HIVEP3: variants seen among roughly 807,000 people sequenced by gnomAD.
The protein encoded by HIVEP3 is HIVEP zinc finger 3.
A neutral mutation model predicts 152.8 loss-of-function variants in HIVEP3; 49 were observed. The ratio of observed to expected loss-of-function variants is 0.32; its 90% CI spans 0.26 to 0.41. The LOEUF (loss-of-function observed/expected upper bound fraction) is 0.41. Among genes scored for constraint, HIVEP3 ranks in the 10% least tolerant of loss-of-function variants. The pLI, the probability that HIVEP3 is intolerant of heterozygous loss-of-function variation, is 1.00. For synonymous variants in HIVEP3, 1,269 were observed against 1,289.0 expected, an observed-to-expected ratio of 0.98 and a Z score of 0.33; for missense variants, 2,790 against 3,103.3, an observed-to-expected ratio of 0.90 and a Z score of 2.40.
intron 1 of HIVEP3, among the ~76,000 whole-genome samples, chr1:41,782,802 T>C (rs1285255123): frequency 1.3e-5 from 2 of 150,822 alleles, no homozygotes; most frequent in Non-Finnish European, 2.9e-5. Flanking sequence ...GAAAAGTGAC[T>C]ACAGAGGAGT....
At chr1:41,777,996 G>A (rs1413647456) in intron 1 of HIVEP3, among the ~76,000 whole-genome samples, 1 of 152,230 alleles carries the variant, frequency 6.6e-6, no homozygotes, top group East Asian at 1.9e-4. Flanking sequence ...GGGGTTCTTG[G>A]CAGCAACTAT....
intron 1 of HIVEP3, among the ~76,000 whole-genome samples, chr1:41,752,821 T>A (rs2124227299): frequency 6.6e-6 from 1 of 152,338 alleles, no homozygotes. Flanking sequence ...CTAGGAAAAG[T>A]AACAATTCAG....
At chr1:41,527,341 C>A (rs1272022335) in intron 5 of HIVEP3, among the ~76,000 whole-genome samples, 1 of 50,832 alleles carries the variant, frequency 2.0e-5, no homozygotes, top group Non-Finnish European at 4.8e-5. Context: ...CACATCCCAC[C>A]TTCACACTCA....
intron 3 of HIVEP3, among the ~76,000 whole-genome samples, chr1:41,605,912 A>T (rs1233776391): frequency 6.6e-6 from 1 of 152,230 alleles, no homozygotes; most frequent in African/African-American, 2.4e-5. Flanking sequence ...TGAACAAATG[A>T]ACCTTCTCAC....
chr1:41,604,582 G>T (rs1041559966), intron 3 of HIVEP3, among the ~76,000 whole-genome samples: 2 of 152,138 alleles, frequency 1.3e-5, no homozygotes, highest in African/African-American at 4.8e-5. Flanking sequence ...CATCTCACTT[G>T]CCCTGGTACC....
chr1:41,531,280 CAGGGGAGATGGAGGACAGGAGAGAT>C (rs1643240954), intron 5 of HIVEP3, among the ~76,000 whole-genome samples: 2 of 129,740 alleles, frequency 1.5e-5, no homozygotes, highest in Non-Finnish European at 3.3e-5. Flanking sequence ...AGATGGAGGA[CAGGGGAGATGGAGGACAGGAGAGAT>C]GGAGGACAGG....
intron 5 of HIVEP3, among the ~76,000 whole-genome samples, chr1:41,566,146 CT>C (rs1338723289): frequency 2.0e-5 from 3 of 152,200 alleles, no homozygotes; most frequent in Non-Finnish European, 4.4e-5. Flanking sequence ...GGAGTAACAA[CT>C]TTTCCAAGAG....
At chr1:41,514,147 C>CTTTGTTTG (rs72280396) in intron 7 of HIVEP3, among the ~76,000 whole-genome samples, 13 of 151,662 alleles carry the variant, frequency 8.6e-5, no homozygotes, top group African/African-American at 2.7e-4. Context: ...AGAAGACAGT[C>CTTTGTTTG]TTTGTTTGTT....
intron 2 of HIVEP3, among the ~76,000 whole-genome samples, chr1:41,642,594 A>G (rs1645391601): frequency 6.6e-6 from 1 of 152,196 alleles, no homozygotes; most frequent in African/African-American, 2.4e-5. Flanking sequence ...ATACATACAA[A>G]TGTGTGTGGG....
At position 41,510,681 on chromosome 1, in the gene HIVEP3, G is replaced by A. The variant is rs376958785; in HGVS notation, c.6991C>T (p.Arg2331Cys). ...GTCGGTGCACGCGGGGACTCCAAGC[G>A]GGGGCTCCAGGACTGCGCTGCCCGG... ...GRRAAQSWSP[R>C]LESPRAPTNP... Residue 2331 changes from arginine (R) to cysteine (C), a missense_variant, in exon 9 of 9, where the codon CGC becomes TGC. Around this residue, in one of 9 missense-constraint regions of HIVEP3, gnomAD observed 816 missense variants for 806.5 expected, o/e 1.01. Coordinates refer to ENST00000372583, the MANE Select transcript of HIVEP3 (RefSeq NM_024503.5). 1.1e-4 allele frequency: 162 copies of A among 1,521,364 alleles called. No individual in the cohort carries two copies. Among genetic ancestry groups the A allele is most frequent in the Non-Finnish European group, 1.2e-4 (134 of 1,133,446 alleles). The allele number at this position is 1,521,364 out of a possible 1,614,324, so 94.2% of individuals were successfully genotyped here.
chr1:41,511,033 C>T lies in HIVEP3; in HGVS notation c.6639G>A (p.Leu2213=), dbSNP rs1163704245. 1 of 1,613,440 alleles carries T rather than the reference C, an allele frequency of 6.2e-7. No homozygotes were observed. The highest frequency in any genetic ancestry group is 8.5e-7 in the Non-Finnish European group (1 of 1,179,712). The change falls in exon 9 of 9, where the codon CTG becomes CTA. Residue 2213 remains leucine, a synonymous_variant. Transcript: ENST00000372583. This position sits in a 1 kb window ranked among gnomAD's most constrained non-coding sequence, Gnocchi z 4.9. ...VQARPGAHPT[L]LPGPTAAWVS... ...CCCAGGCTGCGGTGGGCCCTGGCAG[C>T]AGGGTGGGGTGGGCTCCTGGCCGGG...
intron 1 of HIVEP3, among the ~76,000 whole-genome samples, chr1:42,007,942 C>T (rs1645470060): frequency 1.3e-5 from 2 of 152,122 alleles, no homozygotes; most frequent in Admixed American, 6.6e-5. Flanking sequence ...TCCTTCATAA[C>T]TCGAATGCAC....
intron 1 of HIVEP3, among the ~76,000 whole-genome samples, chr1:41,701,525 C>T (rs1010883588): frequency 6.6e-6 from 1 of 152,176 alleles, no homozygotes; most frequent in African/African-American, 2.4e-5. Flanking sequence ...TGGGTTGCCT[C>T]CCTTCTCCAA....
In HIVEP3 at chr1:41,579,955, T is replaced by C. The variant is rs767879680; in HGVS notation, c.4843A>G (p.Asn1615Asp). The C allele has an allele frequency of 6.2e-7, 1 of 1,614,218 alleles. No individual in the cohort carries two copies. The highest frequency in any genetic ancestry group is 1.1e-5 in the South Asian group (1 of 91,082). Reference sequence around the variant, plus strand: ...CTCCTATCTGCATGCTGGATGTGATTTGGCTTAATGTAGTTTAAATAGCAC... The same window carrying C: ...CTCCTATCTGCATGCTGGATGTGATCTGGCTTAATGTAGTTTAAATAGCAC... ...SWCYLNYIKP[N>D]HIQHADRRSS... The change falls in exon 4 of 9, where the codon AAT (asparagine) becomes GAT (aspartate). Residue 1615 changes from asparagine to aspartate, a missense_variant. Physicochemically the swap from Asn to Asp is conservative, Grantham distance 23. Transcript: ENST00000372583.
intron 1 of HIVEP3, among the ~76,000 whole-genome samples, chr1:41,915,024 C>T (rs1220722005): frequency 6.6e-6 from 1 of 152,164 alleles, no homozygotes; most frequent in Non-Finnish European, 1.5e-5. Context: ...TCAATTTCAA[C>T]AGCAGGGCTT....
upstream of HIVEP3, among the ~76,000 whole-genome samples, chr1:41,920,619 C>A (rs12094473): frequency 6.8e-6 from 1 of 147,874 alleles, no homozygotes; most frequent in Admixed American, 6.7e-5. Context: ...GGAGAGTTTA[C>A]TAGATGCTGC....
intron 1 of HIVEP3, among the ~76,000 whole-genome samples, chr1:41,766,837 C>T (rs1648042142): frequency 6.6e-6 from 1 of 152,206 alleles, no homozygotes; most frequent in Non-Finnish European, 1.5e-5. Flanking sequence ...TTGTGGAAGC[C>T]ATGTCAAGAA....
At chr1:41,537,067 C>T (rs12121881) in intron 5 of HIVEP3, among the ~76,000 whole-genome samples, 38,575 of 152,108 alleles carry the variant, frequency 0.25, 5,069 homozygotes, top group African/African-American at 0.28. Context: ...TATAGCTAGT[C>T]AATAGGGGCA....
chr1:41,822,146 T>G (rs1329122215), intron 1 of HIVEP3, among the ~76,000 whole-genome samples: 7 of 152,216 alleles, frequency 4.6e-5, no homozygotes, highest in Admixed American at 4.6e-4. Flanking sequence ...AGCGGGGCAC[T>G]GAGGCTGTTG....
Sources: allele counts gnomAD v4.1 joint callset (sites outside exome capture counted in the v4.1 genomes callset), GRCh38; gene constraint gnomAD v4.1.1; regional missense constraint gnomAD v4.1.1; non-coding constraint Gnocchi (gnomAD v3.1); transcripts MANE v1.5; gene names NCBI Gene and HGNC (gene_info 2026-07-23, HGNC 2026-07-21).